Variants in ELOA2 observed in about 807,000 individuals in gnomAD.
ELOA2 encodes the protein elongin-A2.
For missense variants in ELOA2, 1,271 were observed against 979.7 expected (o/e 1.30, Z -3.97); for synonymous variants, 497 against 398.8 (o/e 1.25, Z -2.94).
Position 47,033,284 on chromosome 18 carries a change from A to G in ELOA2, c.1981T>C (p.Ser661Pro). 1 of 1,613,338 alleles carries G rather than the reference A, an allele frequency of 6.2e-7. No individual in the cohort carries two copies. Among genetic ancestry groups the G allele is most frequent in the South Asian group, 1.1e-5 (1 of 91,044 alleles). The part of the protein sequence containing the change: ...PYDTSRRQEK[S>P]AGDADPENGE... ...TTTTCGGGGTCAGCGTCTCCTGCAGACTTCTCTTGCCTCCTTGAAGTATCA... is the reference window on the plus strand; with the variant it reads ...TTTTCGGGGTCAGCGTCTCCTGCAGGCTTCTCTTGCCTCCTTGAAGTATCA... The change falls in exon 1 of 1, where the codon TCT becomes CCT. Residue 661 changes from serine (S) to proline (P), a missense_variant. Coordinates refer to ENST00000332567, the MANE Select transcript of ELOA2 (RefSeq NM_016427.3).
In ELOA2 at chr18:47,034,607, C is replaced by T. The variant is rs780602972; in HGVS notation, c.658G>A (p.Val220Ile). 6.2e-7 allele frequency: 1 copy of T among 1,614,168 alleles called. No individual in the cohort carries two copies. Among genetic ancestry groups the T allele is most frequent in the Admixed American group, 1.7e-5 (1 of 60,034 alleles). Residue 220 changes from valine to isoleucine, a missense_variant, in exon 1 of 1, where the codon GTT (valine) becomes ATT (isoleucine). Physicochemically the swap from Val to Ile is conservative, Grantham distance 29. Coordinates refer to ENST00000332567, the MANE Select transcript of ELOA2 (RefSeq NM_016427.3). ...GCQGQPQGKA[V>I]VSHSKGHKSS... ...TTGTGCCCCTTGCTGTGGCTCACAA[C>T]GGCTTTCCCCTGGGGTTGGCCCTGG...
chr18:47,032,906 G>A lies in ELOA2; in HGVS notation c.*97C>T, dbSNP rs540675105. On this transcript the variant is annotated 3_prime_UTR_variant, in exon 1 of 1. Coordinates refer to ENST00000332567, the MANE Select transcript of ELOA2 (RefSeq NM_016427.3). ...AGGCTCAACTTTGCACCAAGTTAAA[G>A]GTTCTGGTGTCCATTGGAAGTTTCG... is the stretch of plus-strand genomic sequence containing the variant. The A allele has an allele frequency of 1.5e-4, 239 of 1,601,834 alleles. No homozygotes were observed. The highest frequency in any genetic ancestry group is 2.2e-4 in the Middle Eastern group (1 of 4,458).
At position 47,032,970 on chromosome 18, in the gene ELOA2, C is replaced by G; in HGVS notation, c.*33G>C. On this transcript the variant is annotated 3_prime_UTR_variant, in exon 1 of 1. Transcript: ENST00000332567. ...ATTGACTTTGCCAATGCAAAAATCC[C>G]CCCAGATTTTATCTGCAAGGCAAGT... 1.2e-6 allele frequency: 2 copies of G among 1,613,624 alleles called. No homozygotes were observed. The highest frequency in any genetic ancestry group is 1.7e-6 in the Non-Finnish European group (2 of 1,180,014).
Position 47,033,405 on chromosome 18 carries a change from T to C in ELOA2, c.1860A>G (p.Arg620=). ...RLPDAPEQRL[R]VMTTNIRSAR... ...CAGATCGGATATTCGTTGTCATTAC[T>C]CTCAGCCGCTGCTCTGGGGCGTCCG... The change falls in exon 1 of 1, where the codon AGA becomes AGG. Residue 620 remains arginine, a synonymous_variant. Coordinates refer to ENST00000332567, the MANE Select transcript of ELOA2 (RefSeq NM_016427.3). The C allele has an allele frequency of 6.2e-7, 1 of 1,614,208 alleles. No individual in the cohort carries two copies. Among genetic ancestry groups the C allele is most frequent in the Non-Finnish European group, 8.5e-7 (1 of 1,180,032 alleles).
chr18:47,035,490 G>C lies in ELOA2; in HGVS notation c.-226C>G. On this transcript the variant is annotated 5_prime_UTR_variant, in exon 1 of 1. Coordinates refer to ENST00000332567, the MANE Select transcript of ELOA2 (RefSeq NM_016427.3). Reference sequence around the variant, plus strand: ...CTGAGCAGGCCCGCTTTTGTTCCTCGGGATGTGGAGCCACAGCCTGGAGTG... The same window carrying C: ...CTGAGCAGGCCCGCTTTTGTTCCTCCGGATGTGGAGCCACAGCCTGGAGTG... The C allele has an allele frequency of 3.3e-6, 3 of 900,920 alleles. No individual in the cohort carries two copies. Among genetic ancestry groups the C allele is most frequent in the Non-Finnish European group, 3.3e-6 (2 of 598,324 alleles). The allele number at this position is 900,920 out of a possible 1,614,324, so 55.8% of individuals were successfully genotyped here.
rs1308492435 is a variant in ELOA2 at position 47,032,959 on chromosome 18, T to C, written c.*44A>G. On this transcript the variant is annotated 3_prime_UTR_variant, in exon 1 of 1. Transcript: ENST00000332567. Reference sequence around the variant, plus strand: ...CCCCAACCCGCATTGACTTTGCCAATGCAAAAATCCCCCCAGATTTTATCT... The same window carrying C: ...CCCCAACCCGCATTGACTTTGCCAACGCAAAAATCCCCCCAGATTTTATCT... 7 of 1,613,282 alleles carry C rather than the reference T, an allele frequency of 4.3e-6. No individual in the cohort carries two copies. The East Asian group carries it at 6.7e-5, about 15-fold the overall frequency.
In ELOA2 at chr18:47,033,409, A is replaced by G; in HGVS notation, c.1856T>C (p.Leu619Pro). The change falls in exon 1 of 1, where the codon CTG (leucine) becomes CCG (proline). Residue 619 changes from leucine (L) to proline (P), a missense_variant. Coordinates refer to ENST00000332567, the MANE Select transcript of ELOA2 (RefSeq NM_016427.3). Reference sequence around the variant, plus strand: ...TCGGATATTCGTTGTCATTACTCTCAGCCGCTGCTCTGGGGCGTCCGGAAG... The same window carrying G: ...TCGGATATTCGTTGTCATTACTCTCGGCCGCTGCTCTGGGGCGTCCGGAAG... The part of the protein sequence containing the change: ...LRLPDAPEQR[L>P]RVMTTNIRSA... 6 of 1,613,458 alleles carry G rather than the reference A, an allele frequency of 3.7e-6. No homozygotes were observed. The highest frequency in any genetic ancestry group is 5.1e-6 in the Non-Finnish European group (6 of 1,180,022).
chr18:47,035,162 A>C lies in ELOA2; in HGVS notation c.103T>G (p.Ser35Ala). Residue 35 changes from serine to alanine, a missense_variant, in exon 1 of 1, where the codon TCC (serine) becomes GCC (alanine). Ser to Ala is a moderately conservative substitution (Grantham distance 99). Coordinates refer to ENST00000332567, the MANE Select transcript of ELOA2 (RefSeq NM_016427.3). ...KKLEKYLQKL[S>A]ALPMTADILA... is the part of the protein sequence containing the mutation. The stretch of plus-strand genomic sequence containing the variant: ...ATGTCTGCCGTCATGGGCAAGGCGG[A>C]GAGTTTCTGCAAATATTTCTCTAGC... 1.2e-6 allele frequency: 2 copies of C among 1,612,036 alleles called. No homozygotes were observed. Among genetic ancestry groups the C allele is most frequent in the Non-Finnish European group, 1.7e-6 (2 of 1,179,814 alleles).
At position 47,033,338 on chromosome 18, in the gene ELOA2, A is replaced by G; in HGVS notation, c.1927T>C (p.Cys643Arg). 3.1e-6 allele frequency: 5 copies of G among 1,613,956 alleles called. No homozygotes were observed. The highest frequency in any genetic ancestry group is 4.2e-6 in the Non-Finnish European group (5 of 1,180,040). ...GGCGTCTTGGCCACAGATTTGAAACAGATCATCTTTGCCTCTCTGCCGTTG... is the reference window on the plus strand; with the variant it reads ...GGCGTCTTGGCCACAGATTTGAAACGGATCATCTTTGCCTCTCTGCCGTTG... ...NPNGREAKMI[C>R]FKSVAKTPYD... Residue 643 changes from cysteine to arginine, a missense_variant, in exon 1 of 1, where the codon TGT (cysteine) becomes CGT (arginine). Coordinates refer to ENST00000332567, the MANE Select transcript of ELOA2 (RefSeq NM_016427.3).
rs758409967 is a variant in ELOA2 at position 47,034,266 on chromosome 18, C to T, written c.999G>A (p.Ser333=). The T allele has an allele frequency of 4.3e-5, 70 of 1,613,876 alleles. No homozygotes were observed. The highest frequency in any genetic ancestry group is 5.8e-5 in the Non-Finnish European group (68 of 1,179,848). ...RDPGNGTHGL[S]PEEKEQLSND... ...TGGAAAGCTGCTCTTTCTCCTCGGG[C>T]GACAGGCCGTGTGTCCCATTTCCTG... The change falls in exon 1 of 1, where the codon TCG becomes TCA. Residue 333 remains serine, a synonymous_variant. Coordinates refer to ENST00000332567, the MANE Select transcript of ELOA2 (RefSeq NM_016427.3).
rs778239640 is a variant in ELOA2 at position 47,034,117 on chromosome 18, C to T, written c.1148G>A (p.Cys383Tyr). 1.2e-6 allele frequency: 2 copies of T among 1,614,242 alleles called. No individual in the cohort carries two copies. The highest frequency in any genetic ancestry group is 8.5e-7 in the Non-Finnish European group (1 of 1,180,044). ...AEEFEQPTLS[C>Y]EKYLTYDQLR... ...CTGATCGTAGGTGAGGTATTTTTCA[C>T]ATGACAGAGTGGGCTGCTCGAATTC... Residue 383 changes from cysteine to tyrosine, a missense_variant, in exon 1 of 1, where the codon TGT becomes TAT. Transcript: ENST00000332567.
In ELOA2 at chr18:47,034,698, G is replaced by C. The variant is rs139088020; in HGVS notation, c.567C>G (p.Pro189=). ...RMPEGPEPAA[P]GKQPGRGHTH... ...TGTGGCCTCTTCCGGGTTGCTTCCC[G>C]GGCGCAGCGGGCTCAGGGCCCTCGG... is the stretch of plus-strand genomic sequence containing the variant. Residue 189 remains proline (P), a synonymous_variant, in exon 1 of 1, where the codon CCC becomes CCG. Transcript: ENST00000332567. The C allele has an allele frequency of 5.6e-6, 9 of 1,612,816 alleles. No individual in the cohort carries two copies. The highest frequency in any genetic ancestry group is 2.2e-5 in the South Asian group (2 of 91,024).
In ELOA2 at chr18:47,034,565, T is replaced by C; in HGVS notation, c.700A>G (p.Lys234Glu). ...SKGHKSSRQE[K>E]RPLCAQGDWH... The stretch of plus-strand genomic sequence containing the variant: ...TCTCCCTGGGCACACAAGGGGCGTT[T>C]TTCCTGGCGAGACGATTTGTGCCCC... Residue 234 changes from lysine (K) to glutamate (E), a missense_variant, in exon 1 of 1, where the codon AAA (lysine) becomes GAA (glutamate). By Grantham distance (56) the Lys-to-Glu change is moderately conservative. Transcript: ENST00000332567. 2 of 1,614,198 alleles carry C rather than the reference T, an allele frequency of 1.2e-6. No individual in the cohort carries two copies. Among genetic ancestry groups the C allele is most frequent in the Non-Finnish European group, 1.7e-6 (2 of 1,180,018 alleles).
In ELOA2 at chr18:47,034,867, C is replaced by T. The variant is rs903733003; in HGVS notation, c.398G>A (p.Arg133His). 4 of 1,612,108 alleles carry T rather than the reference C, an allele frequency of 2.5e-6. No homozygotes were observed. Among genetic ancestry groups the T allele is most frequent in the Non-Finnish European group, 1.7e-6 (2 of 1,179,912 alleles). ...TCTCTGTTGCCCCGGAGGTGTTCTG[C>T]GTGCTGTCCGTCTGTGCTCAGGGCT... ...SHSPEHRRTA[R>H]RTPPGQQRPH... is the part of the protein sequence containing the mutation. The change falls in exon 1 of 1, where the codon CGC becomes CAC. Residue 133 changes from arginine to histidine, a missense_variant. Coordinates refer to ENST00000332567, the MANE Select transcript of ELOA2 (RefSeq NM_016427.3).
Position 47,033,366 on chromosome 18 carries a change from G to C in ELOA2, c.1899C>G (p.Asn633Lys). Residue 633 changes from asparagine (N) to lysine (K), a missense_variant, in exon 1 of 1, where the codon AAC becomes AAG. Transcript: ENST00000332567. ...TTNIRSARGNNPNGREAKMIC... is the reference protein window; with the variant it reads ...TTNIRSARGNKPNGREAKMIC... ...TCATCTTTGCCTCTCTGCCGTTGGG[G>C]TTGTTTCCACGTGCAGATCGGATAT... 6 of 1,614,174 alleles carry C rather than the reference G, an allele frequency of 3.7e-6. No homozygotes were observed. The highest frequency in any genetic ancestry group is 5.1e-6 in the Non-Finnish European group (6 of 1,180,040).
In ELOA2 at chr18:47,035,043, C is replaced by T. The variant is rs755216026; in HGVS notation, c.222G>A (p.Lys74=). 4.3e-6 allele frequency: 7 copies of T among 1,611,920 alleles called. No individual in the cohort carries two copies. The South Asian group carries it at 5.5e-5, about 13-fold the overall frequency. ...TGTTTCGGTCCACGAGCACCAGCTTCTTCCACCGGGCCGCTAAGTCTCTGG... is the reference window on the plus strand; with the variant it reads ...TGTTTCGGTCCACGAGCACCAGCTTTTTCCACCGGGCCGCTAAGTCTCTGG... The part of the protein sequence containing the change: ...DFARDLAARW[K]KLVLVDRNTR... The change falls in exon 1 of 1, where the codon AAG becomes AAA. Residue 74 remains lysine, a synonymous_variant. Transcript: ENST00000332567.
Position 47,034,232 on chromosome 18 carries a change from C to G in ELOA2, c.1033G>C (p.Glu345Gln). 1 of 1,613,974 alleles carries G rather than the reference C, an allele frequency of 6.2e-7. No homozygotes were observed. Among genetic ancestry groups the G allele is most frequent in the Non-Finnish European group, 8.5e-7 (1 of 1,179,812 alleles). The change falls in exon 1 of 1, where the codon GAG becomes CAG. Residue 345 changes from glutamate to glutamine, a missense_variant. Physicochemically the swap from Glu to Gln is conservative, Grantham distance 29. Coordinates refer to ENST00000332567, the MANE Select transcript of ELOA2 (RefSeq NM_016427.3). ...GTCGGTGGCTTCCCCTCTTGAGTCT[C>G]TCGGTCGTTGGAAAGCTGCTCTTTC... ...EEKEQLSNDRETQEGKPPTAH... is the reference protein window; with the variant it reads ...EEKEQLSNDRQTQEGKPPTAH...
rs536214204 is a variant in ELOA2 at position 47,035,333 on chromosome 18, A to C, written c.-69T>G. On this transcript the variant is annotated 5_prime_UTR_variant, in exon 1 of 1. Coordinates refer to ENST00000332567, the MANE Select transcript of ELOA2 (RefSeq NM_016427.3). ...TCTGTCTTTGGGGCTGCGGGACAGG[A>C]AGTCTGGGGTGGCCGGTCCTCGCTG... The C allele has an allele frequency of 1.7e-4, 276 of 1,606,042 alleles. No individual in the cohort carries two copies. The highest frequency in any genetic ancestry group is 9.0e-4 in the Middle Eastern group (4 of 4,458).
Position 47,033,809 on chromosome 18 carries a change from G to T in ELOA2, c.1456C>A (p.Gln486Lys). ...PLSDSDSMTS[Q>K]AKPEALSSPK... ...GAAGAGAGTGCTTCTGGCTTTGCCT[G>T]GGAGGTCATGGAGTCAGAATCCGAA... Residue 486 changes from glutamine to lysine, a missense_variant, in exon 1 of 1, where the codon CAG becomes AAG. Physicochemically the swap from Gln to Lys is moderately conservative, Grantham distance 53 (BLOSUM62 1). Coordinates refer to ENST00000332567, the MANE Select transcript of ELOA2 (RefSeq NM_016427.3). 6.2e-7 allele frequency: 1 copy of T among 1,614,182 alleles called. No homozygotes were observed. Among genetic ancestry groups the T allele is most frequent in the Non-Finnish European group, 8.5e-7 (1 of 1,180,036 alleles).
Sources: gnomAD v4.1 joint callset for allele counts on GRCh38, gnomAD v4.1.1 for gene constraint, MANE v1.5 for transcripts, NCBI Gene and HGNC (gene_info 2026-07-23, HGNC 2026-07-21) for gene names.